The following AMPH variants were observed in gnomAD, a reference collection of about 807,000 sequenced individuals.
The protein encoded by AMPH is amphiphysin (Stiff-Mann syndrome with breast cancer 128kD autoantigen).
A neutral mutation model predicts 99.1 loss-of-function variants in AMPH; 49 were observed. The ratio of observed to expected loss-of-function variants is 0.49; its 90% CI spans 0.39 to 0.63. The LOEUF is 0.63. Ranked by LOEUF, AMPH falls within the 20% of genes least tolerant of loss-of-function variation. The pLI is 0.00. For synonymous variants in AMPH, 314 were observed against 317.3 expected (o/e 0.99, Z 0.11); for missense variants, 759 against 863.4 (o/e 0.88, Z 1.52).
At chr7:38,423,607 G>A (rs1785673899) in intron 15 of AMPH, among the ~76,000 whole-genome samples, 1 of 152,162 alleles carries the variant, frequency 6.6e-6, no homozygotes, top group Non-Finnish European at 1.5e-5. Flanking sequence ...ACAACAAAAT[G>A]TTGAAATTGG....
At chr7:38,437,582 C>A (rs1242516294) in intron 11 of AMPH, among the ~76,000 whole-genome samples, 7 of 140,554 alleles carry the variant, frequency 5.0e-5, no homozygotes, top group Non-Finnish European at 1.1e-4. Context: ...GAGATTGAGA[C>A]CATCCTGGCT....
chr7:38,603,769 G>A (rs1346770274), intron 1 of AMPH, among the ~76,000 whole-genome samples: 2 of 152,140 alleles, frequency 1.3e-5, no homozygotes, highest in Admixed American at 1.3e-4. Context: ...CATGCAGTCT[G>A]GTCATTTATG....
In AMPH at chr7:38,558,004, C is replaced by CAA. The variant is rs11423431; in HGVS notation, c.70-22995_70-22994dup. ...CCCGGGTGATAATGAAGCCCTGTAT[C>CAA]AAAAAAAAAAAAGTATTTCATGTTA... On this transcript the variant is annotated intron_variant, in intron 1 of 20. Coordinates refer to ENST00000356264, the MANE Select transcript of AMPH (RefSeq NM_001635.4). 6.5e-4 allele frequency among the ~76,000 whole-genome samples: 87 copies of CAA among 134,220 alleles called. 1 individual carries two copies. The highest frequency in any genetic ancestry group is 1.6e-3 in the African/African-American group (60 of 36,420). The allele number at this position is 134,220 out of a possible 152,430, so 88.1% of individuals were successfully genotyped here.
intron 1 of AMPH, among the ~76,000 whole-genome samples, chr7:38,594,133 G>A (rs1219122472): frequency 6.6e-6 from 1 of 152,166 alleles, no homozygotes; most frequent in Non-Finnish European, 1.5e-5. Context: ...TCAGGTAAGA[G>A]ATGATGGTGC....
chr7:38,423,590 G>A (rs1350209343), intron 15 of AMPH, among the ~76,000 whole-genome samples: 1 of 152,052 alleles, frequency 6.6e-6, no homozygotes, highest in African/African-American at 2.4e-5. Context: ...TGAGAAGAAA[G>A]ATAGAAACAA....
intron 8 of AMPH, 69 bp from the exon 9 acceptor site, chr7:38,465,618 C>A: frequency 1.4e-6 from 2 of 1,390,324 alleles, no homozygotes; most frequent in East Asian, 2.5e-5. Context: ...CTATTCTCCC[C>A]AAGAAAGAAA....
At chr7:38,456,186 C>T (rs1041379969) in intron 11 of AMPH, among the ~76,000 whole-genome samples, 1 of 152,188 alleles carries the variant, frequency 6.6e-6, no homozygotes, top group Non-Finnish European at 1.5e-5. Flanking sequence ...GTGGACAAAT[C>T]CCACTGCTGC....
chr7:38,394,047 A>G lies in AMPH; in HGVS notation c.1566T>C (p.Ser522=). 6.2e-7 allele frequency: 1 copy of G among 1,613,996 alleles called. No individual in the cohort carries two copies. Among genetic ancestry groups the G allele is most frequent in the Non-Finnish European group, 8.5e-7 (1 of 1,179,988 alleles). Residue 522 remains serine (S), a synonymous_variant, in exon 18 of 21, where the codon AGT becomes AGC. Transcript: ENST00000356264. The part of the protein sequence containing the change: ...IGTETTEGAE[S]AQPEAEELEA... ...CGAGCTCCTCTGCTTCAGGTTGGGC[A>G]CTCTCTGCACCCTCAGTGGTTTCAG...
chr7:38,418,150 C>T, intron 16 of AMPH, 200 bp from the exon 17 acceptor site: 1 of 452,482 alleles, frequency 2.2e-6, no homozygotes, highest in Non-Finnish European at 3.7e-6. Flanking sequence ...TCTTATTAAG[C>T]TTCTGCTTTA....
rs191204366 is a variant in AMPH at position 38,400,259 on chromosome 7, G to C, written c.1399-6045C>G. On this transcript the variant is annotated intron_variant, in intron 17 of 20. Coordinates refer to ENST00000356264, the MANE Select transcript of AMPH (RefSeq NM_001635.4). ...CCTGGCTAATTTTTTTGTATTTTGA[G>C]TGGAGACAGGGTTTCACCATGTTGG... is the stretch of plus-strand genomic sequence containing the variant. Among the ~76,000 whole-genome samples, 39 of 152,156 alleles carry C rather than the reference G, an allele frequency of 2.6e-4. 1 individual carries two copies. In the East Asian group the frequency reaches 6.4e-3, roughly 25 times the overall value.
chr7:38,490,466 T>C (rs1562787849), intron 5 of AMPH, among the ~76,000 whole-genome samples: 1 of 152,154 alleles, frequency 6.6e-6, no homozygotes, highest in South Asian at 2.1e-4. Context: ...ACCTCTGTAA[T>C]AGATTCAAGG....
chr7:38,432,646 G>A (rs1223668119), intron 12 of AMPH, among the ~76,000 whole-genome samples: 1 of 150,208 alleles, frequency 6.7e-6, no homozygotes, highest in African/African-American at 2.5e-5. Context: ...AAGTAAACAA[G>A]GTGTCCAAAT....
At chr7:38,555,335 T>G (rs1791326352) in intron 1 of AMPH, among the ~76,000 whole-genome samples, 2 of 151,774 alleles carry the variant, frequency 1.3e-5, no homozygotes, top group Non-Finnish European at 1.5e-5. Flanking sequence ...AGCCCAGGAG[T>G]TTGAGGCTAC....
At chr7:38,482,770 A>G (rs1788337198) in intron 5 of AMPH, among the ~76,000 whole-genome samples, 1 of 152,078 alleles carries the variant, frequency 6.6e-6, no homozygotes, top group Admixed American at 6.6e-5. Flanking sequence ...CTGCTTTGGA[A>G]TTTTCAGGTA....
At chr7:38,566,361 C>T (rs554621204) in intron 1 of AMPH, among the ~76,000 whole-genome samples, 1 of 151,976 alleles carries the variant, frequency 6.6e-6, no homozygotes, top group South Asian at 2.1e-4. Context: ...TGGCCTCAAA[C>T]TCCTAGCTCA....
chr7:38,433,765 G>A (rs1455217058), intron 12 of AMPH, among the ~76,000 whole-genome samples: 2 of 140,808 alleles, frequency 1.4e-5, no homozygotes, highest in Non-Finnish European at 3.1e-5. Context: ...GATCATAAAA[G>A]CTAGTGCATG....
chr7:38,574,710 A>G (rs1325992636), intron 1 of AMPH, among the ~76,000 whole-genome samples: 1 of 152,036 alleles, frequency 6.6e-6, no homozygotes, highest in East Asian at 1.9e-4. Flanking sequence ...CTTCTATTCT[A>G]TTTTTTTCTA....
chr7:38,531,930 AAT>A (rs139941214), intron 2 of AMPH, among the ~76,000 whole-genome samples: 15,576 of 152,140 alleles, frequency 0.1, 1,172 homozygotes, highest in East Asian at 0.28. Flanking sequence ...CCATCACATT[AAT>A]ACTAAGAATA....
At chr7:38,397,136 A>G (rs531695439) in intron 17 of AMPH, among the ~76,000 whole-genome samples, 1 of 152,350 alleles carries the variant, frequency 6.6e-6, no homozygotes, top group South Asian at 2.1e-4. Context: ...ACTGCTACAG[A>G]TGAAAAAGCA....
Sources: gnomAD v4.1 joint callset for allele counts (sites outside exome capture counted in the v4.1 genomes callset) on GRCh38, gnomAD v4.1.1 for gene constraint, MANE v1.5 for transcripts, NCBI Gene and HGNC (gene_info 2026-07-23, HGNC 2026-07-21) for gene names.